The following CPSF4L variants were observed in gnomAD, a reference collection of about 807,000 sequenced individuals.
CPSF4L encodes putative cleavage and polyadenylation specificity factor subunit 4-like protein.
CPSF4L carries 18 observed loss-of-function variants against 24.0 expected under a neutral mutation model. That is an observed-to-expected ratio of 0.75 (90% confidence interval 0.52 to 1.11). The LOEUF (loss-of-function observed/expected upper bound fraction) is 1.11, where lower values mean the gene tolerates loss of function less well. Ranked by LOEUF, CPSF4L falls within the 50% of genes least tolerant of loss-of-function variation. The pLI is 0.00. For synonymous variants in CPSF4L, 72 were observed against 77.2 expected (o/e 0.93, Z 0.35); for missense variants, 211 against 221.8 (o/e 0.95, Z 0.31).
Position 73,257,708 on chromosome 17 carries a change from G to A in CPSF4L, c.280C>T (p.Pro94Ser). 3 of 1,551,688 alleles carry A rather than the reference G, an allele frequency of 1.9e-6. No individual in the cohort carries two copies. The African/African-American group carries it at 4.1e-5, about 21-fold the overall frequency. ...AACTTGGAGTAGAAGTAGCACTCAG[G>A]CATCCTGGTGAGGTCATACTGGTGC... ...FLHQYDLTRM[P>S]ECYFYSKFGD... The change falls in exon 3 of 6, where the codon CCT (proline) becomes TCT (serine). Residue 94 changes from proline to serine, a missense_variant. By Grantham distance (74) the Pro-to-Ser change is moderately conservative (BLOSUM62 -1). Transcript: ENST00000344935.
In CPSF4L at chr17:73,252,619, A is replaced by G. The variant is rs2062009935; in HGVS notation, c.497+11T>C. ...TCTGGTGGGAGTTGGTAACTGAGGGATCATACTTACTGAGCAAATTGGCAC... is the reference window on the plus strand; with the variant it reads ...TCTGGTGGGAGTTGGTAACTGAGGGGTCATACTTACTGAGCAAATTGGCAC... On this transcript the variant is annotated intron_variant, in intron 5 of 5. Coordinates refer to ENST00000344935, the MANE Select transcript of CPSF4L (RefSeq NM_001129885.1). 4 of 1,518,002 alleles carry G rather than the reference A, an allele frequency of 2.6e-6. No homozygotes were observed. Among genetic ancestry groups the G allele is most frequent in the Non-Finnish European group, 3.6e-6 (4 of 1,116,276 alleles). 94.0% of individuals were successfully genotyped at this position (1,518,002 alleles called of 1,614,324 possible). A position where few individuals can be genotyped will look rare whatever the true frequency, so the allele number is the denominator to read the frequency against.
At chr17:73,247,959 G>A, downstream of CPSF4L, 1 of 154,086 alleles carries the variant, frequency 6.5e-6, no homozygotes, top group Non-Finnish European at 1.4e-5. Context: ...AATTGAAGAT[G>A]TTTTCTCAAG....
downstream of CPSF4L, among the ~76,000 whole-genome samples, chr17:73,244,300 C>T (rs1346729434): frequency 2.0e-5 from 3 of 151,968 alleles, no homozygotes; most frequent in African/African-American, 2.4e-5. Flanking sequence ...CGGTGGCTCA[C>T]GCCTGTAATC....
At position 73,261,823 on chromosome 17, in the gene CPSF4L, C is replaced by T. The variant is rs148897875; in HGVS notation, c.-5G>A. The T allele has an allele frequency of 3.1e-4, 474 of 1,550,538 alleles. 4 individuals carry two copies. In the East Asian group the frequency reaches 8.9e-3, roughly 29 times the overall value. On this transcript the variant is annotated 5_prime_UTR_variant, in exon 1 of 6. Transcript: ENST00000344935. ...CCCCGCAATGACCTCTTGCATCTTC[C>T]GTCTCCTGCTGGGGCTGCGGAAGCT...
In CPSF4L at chr17:73,248,551, C is replaced by A. The variant is rs1178477766; in HGVS notation, c.498-15G>T. 2 of 1,551,400 alleles carry A rather than the reference C, an allele frequency of 1.3e-6. No individual in the cohort carries two copies. Among genetic ancestry groups the A allele is most frequent in the East Asian group, 2.4e-5 (1 of 40,928 alleles). ...CCCGAATCTTCCTGCAAGGTGCATA[C>A]AAATGCAGCGTGAGAATCCATACAC... On this transcript the variant is annotated splice_polypyrimidine_tract_variant and intron_variant, in intron 5 of 5. Transcript: ENST00000344935.
downstream of CPSF4L, chr17:73,245,739 A>G (rs2061941418): frequency 1.0e-6 from 1 of 984,826 alleles, no homozygotes; most frequent in Non-Finnish European, 1.2e-6. Context: ...AAGCCTCCGA[A>G]AAAAAGCTTA....
the CPSF4L span, chr17:73,242,865 G>T: frequency 2.5e-6 from 4 of 1,582,468 alleles, no homozygotes; most frequent in Non-Finnish European, 2.6e-6. Context: ...TTCAGTTGCT[G>T]TAACAACAAG....
the CPSF4L span, chr17:73,242,263 C>G: frequency 1.3e-6 from 2 of 1,594,006 alleles, no homozygotes; most frequent in South Asian, 2.3e-5. Context: ...TGGAACGAAG[C>G]TCAACTCATA....
intron 5 of CPSF4L, chr17:73,250,840 A>C: frequency 3.2e-6 from 2 of 617,150 alleles, no homozygotes; most frequent in Non-Finnish European, 5.2e-6. Context: ...GGTTTACAGT[A>C]TCCTCTCATT....
At chr17:73,247,329 A>G (rs141318590), downstream of CPSF4L, 252 of 1,613,612 alleles carry the variant, frequency 1.6e-4, 1 homozygote, top group African/African-American at 2.9e-3. Flanking sequence ...GCTCTAAAAC[A>G]TGTTTGGATT....
At chr17:73,259,058 T>A (rs1220305161) in intron 2 of CPSF4L, among the ~76,000 whole-genome samples, 1 of 152,130 alleles carries the variant, frequency 6.6e-6, no homozygotes, top group Non-Finnish European at 1.5e-5. Context: ...TTTATTTATT[T>A]GAGACAGGAT....
intron 5 of CPSF4L, chr17:73,250,241 T>C (rs2061999415): frequency 6.5e-7 from 1 of 1,549,656 alleles, no homozygotes; most frequent in Admixed American, 2.0e-5. Flanking sequence ...ATAGGTTAGT[T>C]TTTAATAACT....
chr17:73,247,648 A>G (rs923695793), downstream of CPSF4L: 12 of 228,346 alleles, frequency 5.3e-5, no homozygotes, highest in African/African-American at 2.7e-4. Flanking sequence ...CTAAAAGGAT[A>G]TCTGCCTTGT....
intron 5 of CPSF4L, among the ~76,000 whole-genome samples, chr17:73,249,420 C>T (rs1008492934): frequency 6.6e-5 from 10 of 152,190 alleles, no homozygotes; most frequent in East Asian, 1.9e-4. Context: ...GATTTGCCTA[C>T]GTAGCTCTGT....
the CPSF4L span, chr17:73,242,318 T>G: frequency 6.2e-7 from 1 of 1,604,258 alleles, no homozygotes; most frequent in African/African-American, 1.3e-5. Flanking sequence ...CTCCAACTTC[T>G]CTCTAATGAG....
At chr17:73,259,111 G>A (rs2062035087) in intron 2 of CPSF4L, among the ~76,000 whole-genome samples, 1 of 151,216 alleles carries the variant, frequency 6.6e-6, no homozygotes, top group Non-Finnish European at 1.5e-5. Context: ...CAAAGTCATG[G>A]CTTACTGTAG....
chr17:73,258,521 C>T (rs2062032266), intron 2 of CPSF4L, among the ~76,000 whole-genome samples: 2 of 151,890 alleles, frequency 1.3e-5, no homozygotes, highest in Non-Finnish European at 2.9e-5. Context: ...AGGCTGGTCT[C>T]GAACTCCTGA....
At chr17:73,261,433 G>A (rs551564850) in intron 1 of CPSF4L, among the ~76,000 whole-genome samples, 10 of 152,182 alleles carry the variant, frequency 6.6e-5, no homozygotes, top group African/African-American at 1.9e-4. Context: ...AGGCCAAGGC[G>A]GGCGGATCAC....
downstream of CPSF4L, among the ~76,000 whole-genome samples, chr17:73,243,928 A>G (rs2061898135): frequency 6.6e-6 from 1 of 152,204 alleles, no homozygotes; most frequent in East Asian, 1.9e-4. Context: ...GCCTAAGAGC[A>G]CCTTTTTGGC....
Sources: allele counts gnomAD v4.1 joint callset (sites outside exome capture counted in the v4.1 genomes callset), GRCh38; gene constraint gnomAD v4.1.1; transcripts MANE v1.5; gene names NCBI Gene and HGNC (gene_info 2026-07-23, HGNC 2026-07-21).